SVEP1: variants seen among roughly 807,000 people sequenced by gnomAD.
SVEP1 encodes the protein sushi, von Willebrand factor type A, EGF and pentraxin domain-containing protein 1.
In SVEP1, 164 loss-of-function variants were observed where a neutral mutation model predicts 367.3. The ratio of observed to expected loss-of-function variants is 0.45; its 90% CI spans 0.39 to 0.51. The LOEUF (loss-of-function observed/expected upper bound fraction) is 0.51, where lower values mean the gene tolerates loss of function less well. Among genes scored for constraint, SVEP1 ranks in the 20% least tolerant of loss-of-function variants. SVEP1 has a pLI of 0.00. For missense variants in SVEP1, 4,117 were observed against 4,425.3 expected (o/e 0.93, Z 1.98); for synonymous variants, 1,666 against 1,611.6 (o/e 1.03, Z -0.81).
At chr9:110,429,026 G>T in intron 35 of SVEP1, 117 bp downstream of exon 35, 1 of 822,352 alleles carries the variant, frequency 1.2e-6, no homozygotes. Flanking sequence ...CTGAGATTGC[G>T]CCACTGCACT....
At chr9:110,368,661 CTTTT>C (rs1197509575) in intron 47 of SVEP1, among the ~76,000 whole-genome samples, 2 of 152,082 alleles carry the variant, frequency 1.3e-5, no homozygotes, top group African/African-American at 4.8e-5. Context: ...CTAAATACTT[CTTTT>C]TTGAGTCACT....
intron 32 of SVEP1, 64 bp downstream of exon 32, chr9:110,431,850 CT>C: frequency 6.3e-7 from 1 of 1,590,848 alleles, no homozygotes; most frequent in Non-Finnish European, 8.6e-7. Flanking sequence ...ATAACATACA[CT>C]TAAAATATGT....
At chr9:110,434,536 T>C (rs1454042096) in intron 29 of SVEP1, 30 bp from the exon 30 acceptor site, 1 of 1,602,990 alleles carries the variant, frequency 6.2e-7, no homozygotes, top group Admixed American at 1.7e-5. Context: ...GTGCAGAGCT[T>C]GTCAGCGGCA....
intron 10 of SVEP1, 44 bp from the exon 11 acceptor site, chr9:110,482,536 A>T: frequency 1.3e-6 from 2 of 1,546,698 alleles, no homozygotes; most frequent in Non-Finnish European, 1.7e-6. Flanking sequence ...TGTATTCACA[A>T]TATTTTTTTT....
At position 110,400,852 on chromosome 9, in the gene SVEP1, A is replaced by G. The variant is rs760982923; in HGVS notation, c.9822+2T>C. ...TTCTAGTTAAACAATTTGTTCGCTT[A>G]CCTCTAGTTCATAGCCAGGCTCACA... On this transcript the variant is annotated splice_donor_variant, in intron 40 of 47. Coordinates refer to ENST00000374469, the MANE Select transcript of SVEP1 (RefSeq NM_153366.4). LOFTEE classifies it high-confidence loss of function. 2 of 1,602,454 alleles carry G rather than the reference A, an allele frequency of 1.2e-6. No homozygotes were observed. Among genetic ancestry groups the G allele is most frequent in the Non-Finnish European group, 1.7e-6 (2 of 1,175,028 alleles).
At chr9:110,565,833 T>C (rs549134596) in intron 1 of SVEP1, among the ~76,000 whole-genome samples, 93 of 152,138 alleles carry the variant, frequency 6.1e-4, no homozygotes, top group African/African-American at 2.2e-3. Flanking sequence ...TATGTATCAG[T>C]GTGTCTTGCA....
chr9:110,471,553 C>T lies in SVEP1; in HGVS notation c.2809G>A (p.Glu937Lys). 1 of 1,612,756 alleles carries T rather than the reference C, an allele frequency of 6.2e-7. No homozygotes were observed. Among genetic ancestry groups the T allele is most frequent in the Non-Finnish European group, 8.5e-7 (1 of 1,179,388 alleles). The stretch of plus-strand genomic sequence containing the variant: ...GTCTGAAGGAGTCGTTGCTGATTTT[C>T]CCATTCAAGGGTATCATTTCTTTCA... Reference protein sequence around the residue: ...PDERNDTLEWENQQRLLQTLE... With the variant: ...PDERNDTLEWKNQQRLLQTLE... The change falls in exon 16 of 48, where the codon GAA becomes AAA. Residue 937 changes from glutamate (E) to lysine (K), a missense_variant. Glu to Lys is a moderately conservative substitution (Grantham distance 56, BLOSUM62 1). Coordinates refer to ENST00000374469, the MANE Select transcript of SVEP1 (RefSeq NM_153366.4).
chr9:110,466,387 ACT>A (rs1828936898), intron 17 of SVEP1, among the ~76,000 whole-genome samples: 1 of 152,172 alleles, frequency 6.6e-6, no homozygotes, highest in African/African-American at 2.4e-5. Context: ...CAATACGTAC[ACT>A]GTTATCCTGC....
chr9:110,399,173 T>G (rs1379279971), intron 40 of SVEP1, among the ~76,000 whole-genome samples: 1 of 151,828 alleles, frequency 6.6e-6, no homozygotes, highest in African/African-American at 2.4e-5. Flanking sequence ...CCATGAAAAA[T>G]GATGAGTTCA....
rs774816937 is a variant in SVEP1 at position 110,481,409 on chromosome 9, G to T, written c.2198C>A (p.Pro733His). The T allele has an allele frequency of 1.9e-6, 3 of 1,593,164 alleles. No homozygotes were observed. Among genetic ancestry groups the T allele is most frequent in the Admixed American group, 3.5e-5 (2 of 57,816 alleles). Reference protein sequence around the residue: ...KGSPCEIPFTPVNGDFICTPD... With the variant: ...KGSPCEIPFTHVNGDFICTPD... ...AGTGCATATAAAATCCCCATTTACA[G>T]GTGTGAATGGAATTTCACAGGGAGA... The change falls in exon 12 of 48, where the codon CCT becomes CAT. Residue 733 changes from proline (P) to histidine (H), a missense_variant. Pro to His is a moderately conservative substitution (Grantham distance 77). Transcript: ENST00000374469.
In SVEP1 at chr9:110,436,440, C is replaced by T. The variant is rs895106438; in HGVS notation, c.4704G>A (p.Glu1568=). ...GCTGGCTTATGGAGCCCACAAAAGA[C>T]TCAGCTGGGCTGAATCCCTCTCCTT... is the stretch of plus-strand genomic sequence containing the variant. ...DKKGEGFSPA[E]SFVGSISQLN... is the part of the protein sequence containing the mutation. Residue 1568 remains glutamate (E), a synonymous_variant, in exon 28 of 48, where the codon GAG becomes GAA. Transcript: ENST00000374469. 2 of 1,613,852 alleles carry T rather than the reference C, an allele frequency of 1.2e-6. No individual in the cohort carries two copies. The highest frequency in any genetic ancestry group is 2.7e-5 in the African/African-American group (2 of 74,924).
At chr9:110,396,384 C>G (rs920508736) in intron 40 of SVEP1, among the ~76,000 whole-genome samples, 5 of 152,014 alleles carry the variant, frequency 3.3e-5, no homozygotes, top group African/African-American at 1.2e-4. Flanking sequence ...TAAATGCCCA[C>G]AAGAGAAAGT....
At chr9:110,388,698 G>T (rs1827565366) in intron 41 of SVEP1, among the ~76,000 whole-genome samples, 1 of 152,182 alleles carries the variant, frequency 6.6e-6, no homozygotes, top group Admixed American at 6.5e-5. Context: ...GCCGGGCATG[G>T]TGGCTCATGC....
intron 37 of SVEP1, among the ~76,000 whole-genome samples, 187 bp from the exon 38 acceptor site, chr9:110,409,138 GT>G (rs1374547570): frequency 2.6e-5 from 4 of 152,162 alleles, no homozygotes; most frequent in Non-Finnish European, 5.9e-5. Flanking sequence ...GAAAATGATA[GT>G]AGAAAGTCAA....
chr9:110,572,062 A>T (rs900883280), intron 1 of SVEP1, among the ~76,000 whole-genome samples: 2 of 152,198 alleles, frequency 1.3e-5, no homozygotes, highest in African/African-American at 4.8e-5. Context: ...GGAATCCCCT[A>T]CTTCTCCTTA....
chr9:110,447,173 C>T, intron 24 of SVEP1, 116 bp from the exon 25 acceptor site: 1 of 941,018 alleles, frequency 1.1e-6, no homozygotes, highest in Non-Finnish European at 1.4e-6. Context: ...TTTTCTACAC[C>T]AAAACAGTGC....
intron 36 of SVEP1, 35 bp from the exon 37 acceptor site, chr9:110,411,770 C>A (rs770214002): frequency 6.9e-7 from 1 of 1,449,056 alleles, no homozygotes; most frequent in Non-Finnish European, 9.1e-7. Flanking sequence ...AATAACTAAG[C>A]ATAATATTTG....
chr9:110,434,216 T>A (rs1297592639), intron 30 of SVEP1, 120 bp downstream of exon 30: 23 of 1,147,642 alleles, frequency 2.0e-5, no homozygotes, highest in Non-Finnish European at 2.8e-5. Flanking sequence ...AAAGGTTCAA[T>A]GAATATTTGG....
intron 46 of SVEP1, among the ~76,000 whole-genome samples, chr9:110,374,033 G>A (rs1391613211): frequency 6.6e-6 from 1 of 151,960 alleles, no homozygotes; most frequent in African/African-American, 2.4e-5. Flanking sequence ...AAGGGTACAT[G>A]TGCAGGTTTG....
Sources: gnomAD v4.1 joint callset for allele counts (sites outside exome capture counted in the v4.1 genomes callset) on GRCh38, gnomAD v4.1.1 for gene constraint, MANE v1.5 for transcripts, NCBI Gene and HGNC (gene_info 2026-07-23, HGNC 2026-07-21) for gene names.